Variants in GRB14 observed in about 807,000 individuals in gnomAD.
GRB14 encodes growth factor receptor-bound protein 14.
A neutral mutation model predicts 69.1 loss-of-function variants in GRB14; 38 were observed. That is an observed-to-expected ratio of 0.55 (90% CI 0.42 to 0.72). The LOEUF (loss-of-function observed/expected upper bound fraction) is 0.72, where lower values mean the gene tolerates loss of function less well. GRB14 is among the 30% of genes least tolerant of loss of function. The pLI is 0.00. For missense variants in GRB14, 666 were observed against 666.1 expected, an observed-to-expected ratio of 1.00 and a Z score of 0.00; for synonymous variants, 247 against 241.3, an observed-to-expected ratio of 1.02 and a Z score of -0.22.
intron 2 of GRB14, among the ~76,000 whole-genome samples, chr2:164,590,984 C>G (rs1689647924): frequency 6.6e-6 from 1 of 152,176 alleles, no homozygotes; most frequent in Admixed American, 6.5e-5. Context: ...TTTGTTAACA[C>G]AGCAAAATTA....
chr2:164,564,172 G>T (rs1688906122), intron 2 of GRB14, among the ~76,000 whole-genome samples: 1 of 152,184 alleles, frequency 6.6e-6, no homozygotes, highest in African/African-American at 2.4e-5. Context: ...AATGAGCCTG[G>T]TGTTGTCTAT....
chr2:164,495,824 A>G (rs1416298206), intron 12 of GRB14, among the ~76,000 whole-genome samples: 2 of 152,246 alleles, frequency 1.3e-5, no homozygotes, highest in East Asian at 3.8e-4. Context: ...CTAGTGGATC[A>G]CTTGGCACCA....
At position 164,493,109 on chromosome 2, in the gene GRB14, A is replaced by G. The variant is rs200745561; in HGVS notation, c.1550T>C (p.Val517Ala). 6.2e-7 allele frequency: 1 copy of G among 1,613,640 alleles called. No individual in the cohort carries two copies. The part of the protein sequence containing the change: ...HTRFTDLIQL[V>A]EFYQLNKGVL... ...GCCCTTATTGAGTTGATAGAACTCC[A>G]CCAGCTGTATTAGATCTGTAAATCT... Residue 517 changes from valine (V) to alanine (A), a missense_variant, in exon 14 of 14, where the codon GTG becomes GCG. Val to Ala is a moderately conservative substitution (Grantham distance 64). Coordinates refer to ENST00000263915, the MANE Select transcript of GRB14 (RefSeq NM_004490.3).
intron 4 of GRB14, among the ~76,000 whole-genome samples, chr2:164,525,713 C>A (rs1251510485): frequency 6.6e-6 from 1 of 152,022 alleles, no homozygotes; most frequent in Non-Finnish European, 1.5e-5. Flanking sequence ...TATGATTAGA[C>A]AAGTTTGGGA....
intron 3 of GRB14, among the ~76,000 whole-genome samples, chr2:164,531,235 C>T (rs1687927682): frequency 6.6e-6 from 1 of 152,202 alleles, no homozygotes; most frequent in African/African-American, 2.4e-5. Context: ...CCTTAAAAAT[C>T]TGTCCTTACT....
chr2:164,590,993 T>C (rs957892436), intron 2 of GRB14, among the ~76,000 whole-genome samples: 1 of 152,216 alleles, frequency 6.6e-6, no homozygotes, highest in Non-Finnish European at 1.5e-5. Flanking sequence ...ACAGCAAAAT[T>C]ATTTGGCCTA....
chr2:164,535,453 C>T (rs907708099), intron 3 of GRB14, among the ~76,000 whole-genome samples: 2 of 152,164 alleles, frequency 1.3e-5, no homozygotes, highest in African/African-American at 4.8e-5. Flanking sequence ...CCAAGTACAG[C>T]GTGGAGCTCA....
At chr2:164,593,240 C>T (rs916542364) in intron 2 of GRB14, among the ~76,000 whole-genome samples, 1 of 152,026 alleles carries the variant, frequency 6.6e-6, no homozygotes, top group Non-Finnish European at 1.5e-5. Context: ...AATATGAGAA[C>T]AGGAGCAAGA....
At chr2:164,538,204 G>A (rs1263485363) in intron 3 of GRB14, among the ~76,000 whole-genome samples, 1 of 152,174 alleles carries the variant, frequency 6.6e-6, no homozygotes, top group Non-Finnish European at 1.5e-5. Context: ...AATCTCAGCT[G>A]TCCCTAGCAA....
intron 8 of GRB14, among the ~76,000 whole-genome samples, chr2:164,503,169 T>TTA (rs780327761): frequency 7.9e-6 from 1 of 126,606 alleles, no homozygotes; most frequent in Admixed American, 8.0e-5. Flanking sequence ...GCTACTTTGT[T>TTA]AAAAAAAAAA....
chr2:164,562,171 T>C (rs983647565), intron 2 of GRB14, among the ~76,000 whole-genome samples: 1 of 152,164 alleles, frequency 6.6e-6, no homozygotes, highest in African/African-American at 2.4e-5. Flanking sequence ...CAGCTAAGGT[T>C]CTATTAATAG....
At chr2:164,600,042 T>C (rs1249281343) in intron 2 of GRB14, among the ~76,000 whole-genome samples, 1 of 152,232 alleles carries the variant, frequency 6.6e-6, no homozygotes, top group Non-Finnish European at 1.5e-5. Context: ...TTTAATAGTC[T>C]AAATTAAATT....
At chr2:164,496,983 T>C in intron 12 of GRB14, 25 bp downstream of exon 12, 2 of 1,576,412 alleles carry the variant, frequency 1.3e-6, no homozygotes, top group Non-Finnish European at 1.7e-6. Context: ...TCACAAGTAC[T>C]CAAAATTAAA....
At position 164,547,860 on chromosome 2, in the gene GRB14, T is replaced by A. The variant is rs573372480; in HGVS notation, c.325-44A>T. ...GAAAAAGACCTAAAATATTCCTGTT[T>A]GTGTTTTTAATAAATTTTATTGTAT... On this transcript the variant is annotated intron_variant, in intron 2 of 13. Transcript: ENST00000263915. The A allele has an allele frequency of 1.8e-5, 25 of 1,418,340 alleles. No individual in the cohort carries two copies. The East Asian group carries it at 5.7e-4, about 32-fold the overall frequency. The allele number at this position is 1,418,340 out of a possible 1,614,324, so 87.9% of individuals were successfully genotyped here.
chr2:164,597,226 T>A (rs1050632898), intron 2 of GRB14, among the ~76,000 whole-genome samples: 2 of 152,146 alleles, frequency 1.3e-5, no homozygotes, highest in African/African-American at 4.8e-5. Context: ...ACTTACCATA[T>A]ACAATATACA....
At chr2:164,600,516 A>C (rs1689890168) in intron 2 of GRB14, among the ~76,000 whole-genome samples, 1 of 152,144 alleles carries the variant, frequency 6.6e-6, no homozygotes. Context: ...CAAAAGTGGT[A>C]TAGAGTCAAG....
intron 2 of GRB14, among the ~76,000 whole-genome samples, chr2:164,597,402 G>A (rs1429422251): frequency 6.6e-6 from 1 of 151,992 alleles, no homozygotes; most frequent in Non-Finnish European, 1.5e-5. Context: ...TTATGTGATA[G>A]GGATTATAAA....
At chr2:164,593,035 TG>T (rs1256117088) in intron 2 of GRB14, among the ~76,000 whole-genome samples, 1 of 152,230 alleles carries the variant, frequency 6.6e-6, no homozygotes, top group Non-Finnish European at 1.5e-5. Flanking sequence ...CATAGCGGTC[TG>T]TACTTCTTAA....
chr2:164,558,077 A>G (rs1296585759), intron 2 of GRB14, among the ~76,000 whole-genome samples: 1 of 152,154 alleles, frequency 6.6e-6, no homozygotes, highest in Non-Finnish European at 1.5e-5. Context: ...CTAGGGTTCC[A>G]ACCAAGAGAA....
Sources: gnomAD v4.1 joint callset for allele counts (sites outside exome capture counted in the v4.1 genomes callset) on GRCh38, gnomAD v4.1.1 for gene constraint, MANE v1.5 for transcripts, NCBI Gene and HGNC (gene_info 2026-07-23, HGNC 2026-07-21) for gene names.